Variants in RCC1 observed in about 807,000 individuals in gnomAD.
The protein encoded by RCC1 is regulator of chromosome condensation 1.
In RCC1, 11 loss-of-function variants were observed where a neutral mutation model predicts 44.4. That is an observed-to-expected ratio of 0.25 (90% CI 0.16 to 0.41). RCC1 has a LOEUF of 0.41. Ranked by LOEUF, RCC1 falls within the 10% of genes least tolerant of loss-of-function variation. The probability of loss-of-function intolerance (pLI) is 1.00; values close to 1 mark genes in which losing one functional copy is unlikely to be tolerated. For missense variants in RCC1, 386 were observed against 547.1 expected (o/e 0.71, Z 2.94); for synonymous variants, 213 against 216.5 (o/e 0.98, Z 0.14).
intron 4 of RCC1, chr1:28,526,911 AAAG>A (rs772944406): frequency 1.4e-4 from 109 of 777,870 alleles, no homozygotes; most frequent in African/African-American, 8.2e-4. Context: ...AAAAAAAAAA[AAAG>A]AAAGAAATCC....
chr1:28,535,362 G>GGTGGCCGGCAAGGCCTCGGTAA lies in RCC1; in HGVS notation c.650_661+10dup. 1.9e-6 allele frequency: 3 copies of GGTGGCCGGCAAGGCCTCGGTAA among 1,614,140 alleles called. No homozygotes were observed. Among genetic ancestry groups the GGTGGCCGGCAAGGCCTCGGTAA allele is most frequent in the Non-Finnish European group, 2.5e-6 (3 of 1,180,030 alleles). On this transcript the variant is annotated frameshift_variant, in exon 9 of 13. Coordinates refer to ENST00000683442, the MANE Select transcript of RCC1 (RefSeq NM_001381865.2). LOFTEE classifies it high-confidence loss of function. ...TGTGCCTGAGTTATTTGCCAACCGT[G>GGTGGCCGGCAAGGCCTCGGTAA]GTGGCCGGCAAGGCCTCGGTAAGTG...
chr1:28,536,873 C>A lies in RCC1; in HGVS notation c.1064C>A (p.Ser355Tyr). 6.2e-7 allele frequency: 1 copy of A among 1,614,074 alleles called. No homozygotes were observed. Among genetic ancestry groups the A allele is most frequent in the Non-Finnish European group, 8.5e-7 (1 of 1,180,006 alleles). ...PAVSSVACGASVGYAVTKDGR... is the reference protein window; with the variant it reads ...PAVSSVACGAYVGYAVTKDGR... The stretch of plus-strand genomic sequence containing the variant: ...GTCTCCTCGGTGGCTTGTGGGGCCT[C>A]TGTGGGGTATGCTGTGACCAAGGAT... Residue 355 changes from serine to tyrosine, a missense_variant, in exon 12 of 13, where the codon TCT (serine) becomes TAT (tyrosine). Coordinates refer to ENST00000683442, the MANE Select transcript of RCC1 (RefSeq NM_001381865.2). This position sits in a 1 kb window ranked among gnomAD's most constrained non-coding sequence, Gnocchi z 4.9.
Position 28,517,111 on chromosome 1 carries a change from G to A in RCC1, c.-10+244G>A, listed in dbSNP as rs570942983. Among the ~76,000 whole-genome samples, 423 of 151,212 alleles carry A rather than the reference G, an allele frequency of 2.8e-3. 7 individuals are homozygous for A. The highest frequency in any genetic ancestry group is 6.8e-3 in the Middle Eastern group (2 of 294). ...ACTCCAGCCCGGGTGACAAGAGCAA[G>A]ACTCGATCTCAAAAAAAAAAAAAGT... On this transcript the variant is annotated intron_variant, in intron 4 of 12. Coordinates refer to ENST00000683442, the MANE Select transcript of RCC1 (RefSeq NM_001381865.2).
chr1:28,531,796 C>A lies in RCC1; in HGVS notation c.74-7C>A. On this transcript the variant is annotated splice_polypyrimidine_tract_variant and splice_region_variant and intron_variant, in intron 5 of 12. Transcript: ENST00000683442. ...TACACTCAGGGTCTATCTTCTTCAC[C>A]CTTCAGTCTCACACAGGTCCCACAG... The A allele has an allele frequency of 6.6e-7, 1 of 1,519,442 alleles. No homozygotes were observed. The allele number at this position is 1,519,442 out of a possible 1,614,324, so 94.1% of individuals were successfully genotyped here.
At chr1:28,521,598 G>A (rs536762824) in intron 4 of RCC1, among the ~76,000 whole-genome samples, 14 of 152,146 alleles carry the variant, frequency 9.2e-5, no homozygotes, top group Non-Finnish European at 1.8e-4. Flanking sequence ...TTCCATTTTG[G>A]AGAGGAAGCC....
intron 7 of RCC1, among the ~76,000 whole-genome samples, chr1:28,534,338 G>T (rs1664408109): frequency 6.6e-6 from 1 of 152,026 alleles, no homozygotes; most frequent in Non-Finnish European, 1.5e-5. Context: ...CCGCTACAAC[G>T]CCCGGCTAAT....
chr1:28,533,000 A>T (rs1664272915), intron 7 of RCC1, among the ~76,000 whole-genome samples: 1 of 151,942 alleles, frequency 6.6e-6, no homozygotes, highest in South Asian at 2.1e-4. Flanking sequence ...TTTTTAGTAG[A>T]GACGGGGTTT....
At chr1:28,520,441 G>A (rs961870025) in intron 4 of RCC1, among the ~76,000 whole-genome samples, 4 of 152,198 alleles carry the variant, frequency 2.6e-5, no homozygotes, top group Admixed American at 1.3e-4. Flanking sequence ...GGAAGGTGAG[G>A]TGGGGGTAGG....
intron 5 of RCC1, among the ~76,000 whole-genome samples, chr1:28,530,887 CGGCTTGGGCATGGAGGAG>C (rs1385921120): frequency 6.6e-6 from 1 of 152,196 alleles, no homozygotes; most frequent in Non-Finnish European, 1.5e-5. Flanking sequence ...CACTGGCGGA[CGGCTTGGGCATGGAGGAG>C]GGCTTGGATG....
chr1:28,514,172 G>A (rs921855354), intron 3 of RCC1, among the ~76,000 whole-genome samples: 2 of 150,460 alleles, frequency 1.3e-5, no homozygotes, highest in South Asian at 2.1e-4. Flanking sequence ...AAAAAAAGGC[G>A]GGGCCCGGTG....
At chr1:28,518,069 G>A (rs1479843588) in intron 4 of RCC1, 3 of 151,714 alleles carry the variant, frequency 2.0e-5, no homozygotes, top group Non-Finnish European at 4.4e-5. Context: ...CAAAATACAC[G>A]CCCACTGGAA....
intron 1 of RCC1, 95 bp from the exon 2 acceptor site, chr1:28,508,033 G>GC (rs1662162578): frequency 2.7e-6 from 1 of 375,386 alleles, no homozygotes; most frequent in Non-Finnish European, 5.5e-6. Context: ...ATACTCCAGT[G>GC]CCACTGTACT....
chr1:28,514,850 C>T lies in RCC1; in HGVS notation c.-152-1875C>T, dbSNP rs375299299. 1.2e-4 allele frequency among the ~76,000 whole-genome samples: 19 copies of T among 152,014 alleles called. No individual in the cohort carries two copies. The South Asian group carries it at 3.5e-3, about 28-fold the overall frequency. On this transcript the variant is annotated intron_variant, in intron 3 of 12. Transcript: ENST00000683442. ...TTGGGAAGCCAAGGCAGGCAGATCA[C>T]GAGGTCAGAGCGAGACTCCGTCTCG... is the stretch of plus-strand genomic sequence containing the variant.
At chr1:28,507,497 G>C (rs766682355) in intron 1 of RCC1, 1 of 518,906 alleles carries the variant, frequency 1.9e-6, no homozygotes, top group African/African-American at 1.9e-5. Context: ...CCTCGTGTCT[G>C]CGCCTGCATA....
intron 3 of RCC1, among the ~76,000 whole-genome samples, chr1:28,513,836 T>C (rs1662702618): frequency 6.6e-6 from 1 of 152,076 alleles, no homozygotes; most frequent in African/African-American, 2.4e-5. Context: ...CCTCCCACCT[T>C]GGCCTCCCAA....
chr1:28,530,636 C>A, intron 5 of RCC1: 1 of 1,582,092 alleles, frequency 6.3e-7, no homozygotes, highest in Non-Finnish European at 8.6e-7. Flanking sequence ...GCCCGGGGCG[C>A]CCTCTGTGCT....
At chr1:28,516,026 T>C (rs927694795) in intron 3 of RCC1, among the ~76,000 whole-genome samples, 2 of 151,186 alleles carry the variant, frequency 1.3e-5, no homozygotes, top group African/African-American at 4.9e-5. Context: ...CTACTAAAAA[T>C]ACAAAAATTA....
chr1:28,528,608 CAG>C (rs771143420), intron 4 of RCC1, among the ~76,000 whole-genome samples: 1 of 152,102 alleles, frequency 6.6e-6, no homozygotes, highest in Non-Finnish European at 1.5e-5. Flanking sequence ...AGCCTGGCGA[CAG>C]AGTGAGACTC....
chr1:28,529,846 A>G lies in RCC1; in HGVS notation c.-9-12A>G. 1.2e-6 allele frequency: 2 copies of G among 1,611,014 alleles called. No homozygotes were observed. ...TGCCATTTCTCATATGTAGTATTTG[A>G]CTGACTTTCAGGACAGGAAGATGTC... On this transcript the variant is annotated splice_polypyrimidine_tract_variant and intron_variant, in intron 4 of 12. Coordinates refer to ENST00000683442, the MANE Select transcript of RCC1 (RefSeq NM_001381865.2).
Sources: gnomAD v4.1 joint callset for allele counts (sites outside exome capture counted in the v4.1 genomes callset) on GRCh38, gnomAD v4.1.1 for gene constraint, Gnocchi (gnomAD v3.1) non-coding constraint, MANE v1.5 for transcripts, NCBI Gene and HGNC (gene_info 2026-07-23, HGNC 2026-07-21) for gene names.